Variants in MDGA2 observed in about 807,000 individuals in gnomAD.
The protein encoded by MDGA2 is MAM domain containing glycosylphosphatidylinositol anchor 2.
A neutral mutation model predicts 117.8 loss-of-function variants in MDGA2; 40 were observed. The observed-to-expected ratio is 0.34, with a 90% CI of 0.26 to 0.44. The LOEUF (loss-of-function observed/expected upper bound fraction) is 0.44. MDGA2 is among the 20% of genes least tolerant of loss of function. The pLI is 1.00. For missense variants in MDGA2, 1,123 were observed against 1,250.6 expected (o/e 0.90, Z 1.54); for synonymous variants, 452 against 439.0 (o/e 1.03, Z -0.37).
chr14:47,333,457 A>G (rs1274848607), intron 1 of MDGA2, among the ~76,000 whole-genome samples: 1 of 151,928 alleles, frequency 6.6e-6, no homozygotes, highest in Admixed American at 6.6e-5. Flanking sequence ...GTGTGTAAAG[A>G]TTAATATTTT....
At chr14:47,445,557 G>A (rs543852777) in intron 1 of MDGA2, among the ~76,000 whole-genome samples, 17 of 151,862 alleles carry the variant, frequency 1.1e-4, no homozygotes, top group Middle Eastern at 3.4e-3. Flanking sequence ...GTTCATGTTC[G>A]CCAACTTCCT....
At chr14:47,436,008 T>C (rs2416076) in intron 1 of MDGA2, among the ~76,000 whole-genome samples, 98,339 of 151,872 alleles carry the variant, frequency 0.65, 32,038 homozygotes, top group Middle Eastern at 0.74. Flanking sequence ...CTGGTCGCTT[T>C]TAGTCAGAGA....
chr14:46,963,035 T>C lies in MDGA2; in HGVS notation c.1820-5392A>G, dbSNP rs183564166. Among the ~76,000 whole-genome samples, 22 of 152,272 alleles carry C rather than the reference T, an allele frequency of 1.4e-4. No individual in the cohort carries two copies. In the East Asian group the frequency reaches 2.7e-3, roughly 19 times the overall value. On this transcript the variant is annotated intron_variant, in intron 8 of 16. Transcript: ENST00000399232. ...CTGAAGATATGTAAAATATATATTT[T>C]TTCTTTGACAAGTTTAGTACCATTA...
At chr14:47,491,598 G>A (rs1894170910) in intron 1 of MDGA2, among the ~76,000 whole-genome samples, 2 of 152,114 alleles carry the variant, frequency 1.3e-5, no homozygotes, top group African/African-American at 4.8e-5. Flanking sequence ...TCAAAATGGA[G>A]GCCTGAGAAG....
chr14:47,643,111 T>C (rs1439302195), intron 1 of MDGA2, among the ~76,000 whole-genome samples: 1 of 152,146 alleles, frequency 6.6e-6, no homozygotes, highest in Non-Finnish European at 1.5e-5. Context: ...ACAATGATTA[T>C]ATTCCTTCCT....
chr14:47,002,750 T>A (rs2138496296), intron 8 of MDGA2, among the ~76,000 whole-genome samples: 1 of 152,152 alleles, frequency 6.6e-6, no homozygotes, highest in Admixed American at 6.6e-5. Context: ...TTAATTTATT[T>A]ATACTTGAAT....
At chr14:46,903,711 T>C (rs189860137) in intron 10 of MDGA2, among the ~76,000 whole-genome samples, 37 of 152,290 alleles carry the variant, frequency 2.4e-4, no homozygotes, top group Non-Finnish European at 5.9e-5. Flanking sequence ...GTTACATTAT[T>C]TGTAATATGT....
At chr14:47,482,888 G>A (rs188542804) in intron 1 of MDGA2, among the ~76,000 whole-genome samples, 13 of 147,966 alleles carry the variant, frequency 8.8e-5, no homozygotes, top group Non-Finnish European at 1.9e-4. Context: ...CTGAAGGATC[G>A]GATGGTGGAG....
intron 3 of MDGA2, among the ~76,000 whole-genome samples, chr14:47,155,011 C>T (rs1883310985): frequency 1.3e-5 from 2 of 152,196 alleles, no homozygotes; most frequent in South Asian, 4.1e-4. Flanking sequence ...ATCCCAGACT[C>T]AGCCAGACTG....
chr14:47,006,404 A>G (rs991540046), intron 8 of MDGA2, among the ~76,000 whole-genome samples: 5 of 140,406 alleles, frequency 3.6e-5, no homozygotes, highest in Non-Finnish European at 6.1e-5. Flanking sequence ...ATATAATTAA[A>G]ATTATATTTA....
At chr14:47,239,065 A>ACTG (rs1172382274) in intron 2 of MDGA2, among the ~76,000 whole-genome samples, 3 of 151,632 alleles carry the variant, frequency 2.0e-5, no homozygotes, top group Non-Finnish European at 4.4e-5. Context: ...TTCTCAGATA[A>ACTG]CTATCAAACG....
At chr14:47,353,657 A>G (rs892400986) in intron 1 of MDGA2, among the ~76,000 whole-genome samples, 1 of 152,170 alleles carries the variant, frequency 6.6e-6, no homozygotes, top group African/African-American at 2.4e-5. Context: ...AACAAAAGAA[A>G]CCGTAGCAGT....
At chr14:46,865,847 C>T (rs1174228863) in intron 14 of MDGA2, among the ~76,000 whole-genome samples, 1 of 151,400 alleles carries the variant, frequency 6.6e-6, no homozygotes. Flanking sequence ...ATGTGAAGGA[C>T]CTCTTCAAGG....
At chr14:46,968,485 T>G (rs1266346770) in intron 8 of MDGA2, among the ~76,000 whole-genome samples, 1 of 152,146 alleles carries the variant, frequency 6.6e-6, no homozygotes, top group Non-Finnish European at 1.5e-5. Context: ...AGTGTCCCTC[T>G]TTGCTGATGA....
intron 2 of MDGA2, among the ~76,000 whole-genome samples, chr14:47,295,225 CTTTGT>C (rs1222740640): frequency 1.3e-5 from 2 of 152,138 alleles, no homozygotes; most frequent in African/African-American, 2.4e-5. Context: ...CACATTCTTT[CTTTGT>C]TTTATTTTTG....
intron 3 of MDGA2, among the ~76,000 whole-genome samples, chr14:47,165,384 T>C (rs974298815): frequency 2.0e-5 from 3 of 152,250 alleles, no homozygotes; most frequent in Admixed American, 6.5e-5. Flanking sequence ...TCAGGCTTGA[T>C]ATCCCGAAAG....
intron 1 of MDGA2, among the ~76,000 whole-genome samples, chr14:47,503,183 A>G (rs1894435334): frequency 6.6e-6 from 1 of 152,176 alleles, no homozygotes; most frequent in Non-Finnish European, 1.5e-5. Context: ...AAAAATATGT[A>G]CTTGAAATAT....
At chr14:46,889,461 C>T (rs1329613842) in intron 10 of MDGA2, among the ~76,000 whole-genome samples, 1 of 151,984 alleles carries the variant, frequency 6.6e-6, no homozygotes, top group Non-Finnish European at 1.5e-5. Context: ...AAAGAGTTTT[C>T]CTTGAAAGCA....
At chr14:46,950,180 A>AT (rs1379119569) in intron 9 of MDGA2, among the ~76,000 whole-genome samples, 9 of 151,978 alleles carry the variant, frequency 5.9e-5, no homozygotes, top group African/African-American at 2.2e-4. Flanking sequence ...TGATAGCATT[A>AT]ACTTCATTAA....
Sources: gnomAD v4.1 joint callset for allele counts (sites outside exome capture counted in the v4.1 genomes callset) on GRCh38, gnomAD v4.1.1 for gene constraint, MANE v1.5 for transcripts, NCBI Gene and HGNC (gene_info 2026-07-23, HGNC 2026-07-21) for gene names.